DACH1: variants seen among roughly 807,000 people sequenced by gnomAD.
DACH1 encodes the protein dachshund family transcription factor 1, also known as dachshund homolog 1.
Under a neutral mutation model 54.2 loss-of-function variants are expected in DACH1, and 12 were observed. The ratio of observed to expected loss-of-function variants is 0.22; its 90% CI spans 0.14 to 0.36. The LOEUF (loss-of-function observed/expected upper bound fraction) is 0.36. Ranked by LOEUF, DACH1 falls within the 10% of genes least tolerant of loss-of-function variation. DACH1 has a pLI of 1.00. For synonymous variants in DACH1, 386 were observed against 366.2 expected, an observed-to-expected ratio of 1.05 and a Z score of -0.62; for missense variants, 805 against 929.8, an observed-to-expected ratio of 0.87 and a Z score of 1.75.
intron 4 of DACH1, among the ~76,000 whole-genome samples, chr13:71,561,116 T>C (rs764970592): frequency 6.6e-6 from 1 of 152,144 alleles, no homozygotes; most frequent in Admixed American, 6.5e-5. Flanking sequence ...AGAATGATGA[T>C]CGTGCTCATC....
intron 10 of DACH1, among the ~76,000 whole-genome samples, chr13:71,473,051 C>T (rs1277293524): frequency 6.6e-6 from 1 of 152,086 alleles, no homozygotes; most frequent in Non-Finnish European, 1.5e-5. Context: ...GGTAAAATAT[C>T]TTTTAGCAAC....
intron 3 of DACH1, among the ~76,000 whole-genome samples, chr13:71,598,124 T>G (rs950531265): frequency 6.6e-6 from 1 of 151,048 alleles, no homozygotes; most frequent in Non-Finnish European, 1.5e-5. Context: ...AAAAGAGAAA[T>G]AAAATTAAAC....
At chr13:71,489,688 AT>A (rs1240217953) in intron 6 of DACH1, among the ~76,000 whole-genome samples, 2 of 152,156 alleles carry the variant, frequency 1.3e-5, no homozygotes, top group Non-Finnish European at 2.9e-5. Flanking sequence ...GAATCCAAAT[AT>A]GTATTTCTAA....
chr13:71,648,342 A>G (rs1878441221), intron 2 of DACH1, among the ~76,000 whole-genome samples: 1 of 152,106 alleles, frequency 6.6e-6, no homozygotes, highest in African/African-American at 2.4e-5. Flanking sequence ...TTCATTCTTA[A>G]TGGTGCAGAC....
intron 6 of DACH1, among the ~76,000 whole-genome samples, chr13:71,512,891 T>C (rs1168126127): frequency 6.6e-6 from 1 of 151,882 alleles, no homozygotes; most frequent in Non-Finnish European, 1.5e-5. Flanking sequence ...ATAATCTTTT[T>C]TTAAAGATTA....
intron 6 of DACH1, among the ~76,000 whole-genome samples, chr13:71,500,232 A>C (rs897842422): frequency 6.6e-6 from 1 of 152,088 alleles, no homozygotes; most frequent in African/African-American, 2.4e-5. Flanking sequence ...GGGGGGAGGG[A>C]GGAAGAGTTG....
At chr13:71,840,719 T>C (rs1454398868) in intron 1 of DACH1, among the ~76,000 whole-genome samples, 1 of 152,116 alleles carries the variant, frequency 6.6e-6, no homozygotes, top group African/African-American at 2.4e-5. Context: ...AGTGATAAAA[T>C]AAAAATAGAG....
At chr13:71,535,005 T>C (rs1882665191) in intron 6 of DACH1, among the ~76,000 whole-genome samples, 1 of 151,886 alleles carries the variant, frequency 6.6e-6, no homozygotes, top group Non-Finnish European at 1.5e-5. Context: ...GAAAAAGATC[T>C]AGTGACTATC....
At chr13:71,836,829 G>C (rs1566533039) in intron 1 of DACH1, among the ~76,000 whole-genome samples, 1 of 151,970 alleles carries the variant, frequency 6.6e-6, no homozygotes, top group Non-Finnish European at 1.5e-5. Context: ...TTTGCTTATT[G>C]ATTATGTTAA....
At chr13:71,550,398 A>G (rs971691588) in intron 6 of DACH1, among the ~76,000 whole-genome samples, 3 of 152,158 alleles carry the variant, frequency 2.0e-5, no homozygotes, top group Non-Finnish European at 4.4e-5. Context: ...ACACTAGTGG[A>G]TAGGAAGGCA....
At chr13:71,522,736 C>T (rs993426823) in intron 6 of DACH1, among the ~76,000 whole-genome samples, 7 of 151,940 alleles carry the variant, frequency 4.6e-5, no homozygotes, top group Non-Finnish European at 8.8e-5. Context: ...ACAGTTTAAC[C>T]CATTTCGACA....
At chr13:71,637,405 G>C (rs1279600521) in intron 2 of DACH1, among the ~76,000 whole-genome samples, 1 of 152,086 alleles carries the variant, frequency 6.6e-6, no homozygotes, top group African/African-American at 2.4e-5. Flanking sequence ...CAATTACAAA[G>C]GTGCAAATAG....
At chr13:71,846,227 C>T (rs1873248222) in intron 1 of DACH1, 3 of 246,690 alleles carry the variant, frequency 1.2e-5, no homozygotes, top group African/African-American at 4.6e-5. Flanking sequence ...ACGGAAACAG[C>T]GGCATGGTTC....
intron 3 of DACH1, among the ~76,000 whole-genome samples, chr13:71,591,766 A>G (rs1335484502): frequency 6.6e-6 from 1 of 152,168 alleles, no homozygotes; most frequent in Non-Finnish European, 1.5e-5. Context: ...GTAGTATCTG[A>G]TGACATTTTA....
intron 1 of DACH1, among the ~76,000 whole-genome samples, chr13:71,837,083 G>A (rs547377848): frequency 1.4e-4 from 22 of 151,884 alleles, no homozygotes; most frequent in East Asian, 1.2e-3. Flanking sequence ...ATGTGAAAAC[G>A]AAAGATTAAG....
intron 4 of DACH1, among the ~76,000 whole-genome samples, chr13:71,570,081 C>A (rs1885106763): frequency 6.6e-6 from 1 of 152,140 alleles, no homozygotes. Context: ...TAATTAACAT[C>A]TATTAGGTGA....
intron 10 of DACH1, among the ~76,000 whole-genome samples, chr13:71,455,135 T>G (rs762347271): frequency 1.3e-5 from 2 of 152,172 alleles, no homozygotes; most frequent in Non-Finnish European, 2.9e-5. Flanking sequence ...TCCCAGAACA[T>G]TTATTGTTCT....
chr13:71,796,124 T>C (rs375831187), intron 1 of DACH1, among the ~76,000 whole-genome samples: 21 of 152,234 alleles, frequency 1.4e-4, no homozygotes, highest in African/African-American at 4.8e-4. Context: ...TTTATAACAC[T>C]CAACTTTACT....
chr13:71,706,851 A>G (rs1566446947), intron 1 of DACH1, among the ~76,000 whole-genome samples: 1 of 152,160 alleles, frequency 6.6e-6, no homozygotes, highest in Non-Finnish European at 1.5e-5. Context: ...GAATTCTCAC[A>G]TTTATAATGA....
Sources: allele counts gnomAD v4.1 joint callset (sites outside exome capture counted in the v4.1 genomes callset), GRCh38; gene constraint gnomAD v4.1.1; transcripts MANE v1.5; gene names NCBI Gene and HGNC (gene_info 2026-07-23, HGNC 2026-07-21).